THADA: variants seen among roughly 807,000 people sequenced by gnomAD.
The protein encoded by THADA is THADA armadillo repeat containing.
A neutral mutation model predicts 219.8 loss-of-function variants in THADA; 213 were observed. The ratio of observed to expected loss-of-function variants is 0.97; its 90% CI spans 0.87 to 1.09. The LOEUF (loss-of-function observed/expected upper bound fraction) is 1.09, where lower values mean the gene tolerates loss of function less well. Ranked by LOEUF, THADA falls within the 50% of genes least tolerant of loss-of-function variation. The probability of loss-of-function intolerance (pLI) is 0.00; values close to 1 mark genes in which losing one functional copy is unlikely to be tolerated. For synonymous variants in THADA, 1,018 were observed against 828.9 expected (o/e 1.23, Z -3.92); for missense variants, 2,956 against 2,311.3 (o/e 1.28, Z -5.72).
At chr2:43,285,924 C>T (rs1160584703) in intron 35 of THADA, among the ~76,000 whole-genome samples, 3 of 152,118 alleles carry the variant, frequency 2.0e-5, no homozygotes, top group Non-Finnish European at 2.9e-5. Context: ...TGAATGCAAC[C>T]AGCAGCCTAT....
intron 28 of THADA, among the ~76,000 whole-genome samples, chr2:43,423,444 T>G (rs145529851): frequency 0.056 from 8,457 of 151,744 alleles, 336 homozygotes; most frequent in Non-Finnish European, 0.08. Context: ...TCTTTTTTTT[T>G]TTTTTTGAGA....
intron 22 of THADA, among the ~76,000 whole-genome samples, chr2:43,511,193 G>A (rs1045887328): frequency 4.6e-5 from 7 of 152,070 alleles, no homozygotes; most frequent in African/African-American, 1.7e-4. Flanking sequence ...TCTCCTGTAG[G>A]GGATTTGCTA....
At chr2:43,437,940 C>A (rs534384429) in intron 26 of THADA, among the ~76,000 whole-genome samples, 2 of 152,024 alleles carry the variant, frequency 1.3e-5, no homozygotes, top group Non-Finnish European at 1.5e-5. Context: ...AATGGACACA[C>A]CTATCAAAAT....
chr2:43,586,670 C>T (rs1324440492), intron 6 of THADA, 32 bp downstream of exon 6: 3 of 1,598,930 alleles, frequency 1.9e-6, no homozygotes, highest in East Asian at 4.5e-5. Flanking sequence ...AAGCCATCAA[C>T]TCATGGAACA....
intron 30 of THADA, among the ~76,000 whole-genome samples, chr2:43,326,591 T>C (rs1025399263): frequency 1.3e-5 from 2 of 152,212 alleles, no homozygotes; most frequent in South Asian, 2.1e-4. Context: ...GTCTGGTCCA[T>C]GGACAGCTGT....
chr2:43,438,027 C>G (rs1006654131), intron 26 of THADA, among the ~76,000 whole-genome samples: 13 of 151,998 alleles, frequency 8.6e-5, no homozygotes, highest in African/African-American at 2.7e-4. Context: ...GATGGCCAGG[C>G]GCGGTGGCTC....
At chr2:43,407,813 T>G (rs1675759083) in intron 28 of THADA, among the ~76,000 whole-genome samples, 1 of 151,960 alleles carries the variant, frequency 6.6e-6, no homozygotes, top group Non-Finnish European at 1.5e-5. Context: ...AAGTATATAA[T>G]ATTATATAAA....
At chr2:43,280,113 G>C (rs1264820936) in intron 35 of THADA, among the ~76,000 whole-genome samples, 1 of 152,168 alleles carries the variant, frequency 6.6e-6, no homozygotes, top group African/African-American at 2.4e-5. Flanking sequence ...TGGGGGTGAG[G>C]ATGTAGGCTT....
At chr2:43,593,303 G>A (rs1701774243) in intron 1 of THADA, among the ~76,000 whole-genome samples, 1 of 152,174 alleles carries the variant, frequency 6.6e-6, no homozygotes, top group African/African-American at 2.4e-5. Context: ...AGAGAGGCTG[G>A]AGAGGCAAAA....
intron 24 of THADA, among the ~76,000 whole-genome samples, chr2:43,504,608 G>A (rs1453081800): frequency 6.6e-6 from 1 of 152,142 alleles, no homozygotes; most frequent in African/African-American, 2.4e-5. Context: ...GGCTGGGCAT[G>A]GTGGCTCACA....
intron 26 of THADA, among the ~76,000 whole-genome samples, chr2:43,433,997 T>C (rs779495717): frequency 6.6e-6 from 1 of 152,110 alleles, no homozygotes; most frequent in Non-Finnish European, 1.5e-5. Context: ...CCCTGAGAAG[T>C]AGATTTTAAA....
chr2:43,554,683 T>A (rs1157152393), intron 17 of THADA, among the ~76,000 whole-genome samples: 1 of 152,150 alleles, frequency 6.6e-6, no homozygotes, highest in African/African-American at 2.4e-5. Flanking sequence ...GCAATACAAG[T>A]CTCGGAATTT....
intron 26 of THADA, among the ~76,000 whole-genome samples, chr2:43,463,981 T>C (rs1166302687): frequency 1.3e-5 from 2 of 152,206 alleles, no homozygotes; most frequent in African/African-American, 4.8e-5. Context: ...TTATTACTAA[T>C]ACATTCTACT....
intron 29 of THADA, among the ~76,000 whole-genome samples, chr2:43,368,262 A>G (rs556028434): frequency 2.0e-5 from 3 of 152,200 alleles, no homozygotes; most frequent in Non-Finnish European, 4.4e-5. Context: ...CATCTTAAGG[A>G]GGTACAAAAG....
rs749298853 is a variant in THADA at position 43,578,549 on chromosome 2, C to G, written c.780G>C (p.Lys260Asn). ...TSGLAIILFIKTMFHPSEKIP... is the reference protein window; with the variant it reads ...TSGLAIILFINTMFHPSEKIP... Reference sequence around the variant, plus strand: ...TCTTTTCAGACGGGTGAAACATAGTCTTAATAAAAAGAATAATAGCTAATC... The same window carrying G: ...TCTTTTCAGACGGGTGAAACATAGTGTTAATAAAAAGAATAATAGCTAATC... Residue 260 changes from lysine (K) to asparagine (N), a missense_variant, in exon 9 of 38, where the codon AAG (lysine) becomes AAC (asparagine). Lys to Asn is a moderately conservative substitution (Grantham distance 94). Transcript: ENST00000405975. 6.2e-7 allele frequency: 1 copy of G among 1,612,746 alleles called. No homozygotes were observed. The highest frequency in any genetic ancestry group is 1.1e-5 in the South Asian group (1 of 91,004).
intron 30 of THADA, among the ~76,000 whole-genome samples, chr2:43,323,394 T>A (rs1678974594): frequency 6.6e-6 from 1 of 152,214 alleles, no homozygotes; most frequent in Admixed American, 6.5e-5. Flanking sequence ...CTATCTTTTG[T>A]CTCTAGTTTA....
chr2:43,476,755 T>C (rs1251783041), intron 26 of THADA, among the ~76,000 whole-genome samples: 1 of 152,196 alleles, frequency 6.6e-6, no homozygotes, highest in Non-Finnish European at 1.5e-5. Flanking sequence ...ATCACAGTCA[T>C]GCAAGTTAGG....
intron 17 of THADA, among the ~76,000 whole-genome samples, chr2:43,552,774 T>C (rs1696894185): frequency 6.6e-6 from 1 of 152,044 alleles, no homozygotes; most frequent in Non-Finnish European, 1.5e-5. Context: ...CCATAATTAA[T>C]TTTAGAACAT....
chr2:43,578,543 C>T lies in THADA; in HGVS notation c.786G>A (p.Met262Ile). ...GAGGAATCTTTTCAGACGGGTGAAACATAGTCTTAATAAAAAGAATAATAG... is the reference window on the plus strand; with the variant it reads ...GAGGAATCTTTTCAGACGGGTGAAATATAGTCTTAATAAAAAGAATAATAG... Reference protein sequence around the residue: ...GLAIILFIKTMFHPSEKIPHL... With the variant: ...GLAIILFIKTIFHPSEKIPHL... Residue 262 changes from methionine (M) to isoleucine (I), a missense_variant, in exon 9 of 38, where the codon ATG becomes ATA. Coordinates refer to ENST00000405975, the MANE Select transcript of THADA (RefSeq NM_022065.5). 6.2e-7 allele frequency: 1 copy of T among 1,612,534 alleles called. No individual in the cohort carries two copies. The highest frequency in any genetic ancestry group is 8.5e-7 in the Non-Finnish European group (1 of 1,178,850).
Sources: gnomAD v4.1 joint callset for allele counts (sites outside exome capture counted in the v4.1 genomes callset) on GRCh38, gnomAD v4.1.1 for gene constraint, MANE v1.5 for transcripts, NCBI Gene and HGNC (gene_info 2026-07-23, HGNC 2026-07-21) for gene names.